EYS: variants seen among roughly 807,000 people sequenced by gnomAD.
EYS encodes the protein EGF-like photoreceptor maintenance factor, also known as protein eyes shut homolog.
A neutral mutation model predicts 282.1 loss-of-function variants in EYS; 250 were observed. The ratio of observed to expected loss-of-function variants is 0.89; its 90% CI spans 0.80 to 0.98. The LOEUF (loss-of-function observed/expected upper bound fraction) is 0.98, where lower values mean the gene tolerates loss of function less well. Among genes scored for constraint, EYS ranks in the 50% least tolerant of loss-of-function variants. The pLI is 0.00. For missense variants in EYS, 4,016 were observed against 3,709.0 expected, an observed-to-expected ratio of 1.08 and a Z score of -2.15; for synonymous variants, 1,355 against 1,282.9, an observed-to-expected ratio of 1.06 and a Z score of -1.20.
chr6:65,003,355 T>G lies in EYS; in HGVS notation c.2138-5652A>C, dbSNP rs567916850. Reference sequence around the variant, plus strand: ...TTATTAGAAAGAGGAAATTCCTGCCTAATAAATTTTGGTCAGACCGGTTGC... The same window carrying G: ...TTATTAGAAAGAGGAAATTCCTGCCGAATAAATTTTGGTCAGACCGGTTGC... On this transcript the variant is annotated intron_variant, in intron 13 of 42. Transcript: ENST00000503581. Among the ~76,000 whole-genome samples the G allele has an allele frequency of 5.8e-4, 86 of 147,318 alleles. 1 individual carries two copies. Among genetic ancestry groups the G allele is most frequent in the African/African-American group, 2.1e-3 (86 of 41,222 alleles).
At chr6:65,474,453 T>C (rs1765328922) in intron 5 of EYS, among the ~76,000 whole-genome samples, 1 of 152,108 alleles carries the variant, frequency 6.6e-6, no homozygotes, top group African/African-American at 2.4e-5. Context: ...GCAAATATAA[T>C]ATACAGAGAA....
intron 9 of EYS, 138 bp from the exon 10 acceptor site, chr6:65,344,315 A>G: frequency 1.4e-6 from 1 of 703,362 alleles, no homozygotes; most frequent in South Asian, 1.7e-5. Context: ...CTGTATGCAT[A>G]TGATATTGAA....
intron 31 of EYS, among the ~76,000 whole-genome samples, chr6:64,127,306 A>G (rs1407021374): frequency 6.6e-6 from 1 of 152,170 alleles, no homozygotes; most frequent in Non-Finnish European, 1.5e-5. Flanking sequence ...AGACTAAGTG[A>G]CTTTTCAAAT....
intron 22 of EYS, among the ~76,000 whole-genome samples, chr6:64,708,041 G>A (rs2149931849): frequency 6.6e-6 from 1 of 152,132 alleles, no homozygotes; most frequent in East Asian, 1.9e-4. Flanking sequence ...TAAACATGGG[G>A]GAGCCCACAC....
chr6:65,529,262 C>A (rs926886411), intron 2 of EYS, among the ~76,000 whole-genome samples: 6 of 152,070 alleles, frequency 3.9e-5, no homozygotes, highest in African/African-American at 1.2e-4. Flanking sequence ...GATGTTCTGG[C>A]TTTTGGATGC....
intron 29 of EYS, among the ~76,000 whole-genome samples, chr6:64,380,115 T>TG (rs1772695356): frequency 6.6e-6 from 1 of 151,264 alleles, no homozygotes; most frequent in African/African-American, 2.4e-5. Context: ...CAACTTCAAT[T>TG]TTTTTTTTAT....
chr6:65,316,741 G>A (rs1373882181), intron 11 of EYS, among the ~76,000 whole-genome samples: 1 of 152,046 alleles, frequency 6.6e-6, no homozygotes, highest in Admixed American at 6.5e-5. Flanking sequence ...TTGGCTTTCT[G>A]TTCCTGTATT....
chr6:65,046,016 G>C (rs1410483680), intron 13 of EYS, among the ~76,000 whole-genome samples: 5 of 151,272 alleles, frequency 3.3e-5, no homozygotes, highest in Non-Finnish European at 5.9e-5. Flanking sequence ...TATTCCTTTT[G>C]TCCCTCTTAA....
chr6:65,132,134 T>C (rs888742520), intron 12 of EYS, among the ~76,000 whole-genome samples: 5 of 151,720 alleles, frequency 3.3e-5, no homozygotes, highest in Non-Finnish European at 5.9e-5. Context: ...AATTCTACCA[T>C]ATGTATAAGG....
rs557020239 is a variant in EYS, at chr6:63,777,994, C to T, written c.7898+12G>A. On this transcript the variant is annotated intron_variant, in intron 40 of 42. Coordinates refer to ENST00000503581, the MANE Select transcript of EYS (RefSeq NM_001142800.2). ...AACCTGCTACTTTCATTCCTAATAA[C>T]GTCATACTTACTAAACACTAGTTCC... 1.2e-5 allele frequency: 19 copies of T among 1,550,988 alleles called. No homozygotes were observed. The Admixed American group carries it at 1.4e-4, about 11-fold the overall frequency.
intron 22 of EYS, among the ~76,000 whole-genome samples, chr6:64,654,383 G>T (rs1422015623): frequency 6.6e-6 from 1 of 152,122 alleles, no homozygotes; most frequent in African/African-American, 2.4e-5. Context: ...TGCTACTGTT[G>T]TCTAGAGGGA....
At chr6:64,122,176 C>G (rs1162656553) in intron 31 of EYS, among the ~76,000 whole-genome samples, 1 of 151,934 alleles carries the variant, frequency 6.6e-6, no homozygotes, top group Non-Finnish European at 1.5e-5. Flanking sequence ...GATTTAGGAT[C>G]TAATAGTGAA....
chr6:63,780,437 A>C (rs1770188227), intron 39 of EYS, among the ~76,000 whole-genome samples: 1 of 152,146 alleles, frequency 6.6e-6, no homozygotes, highest in Non-Finnish European at 1.5e-5. Context: ...AATGATCGGC[A>C]TTCTAACTGA....
rs143755954 is a variant in EYS at position 64,882,145 on chromosome 6, C to T, written c.2992+4552G>A. ...GAACATGGACATCAAGAGTCTATACCAGTACACAGTACCCAAATACCAGGG... is the reference window on the plus strand; with the variant it reads ...GAACATGGACATCAAGAGTCTATACTAGTACACAGTACCCAAATACCAGGG... On this transcript the variant is annotated intron_variant, in intron 19 of 42. Transcript: ENST00000503581. 3.3e-5 allele frequency among the ~76,000 whole-genome samples: 5 copies of T among 151,786 alleles called. No individual in the cohort carries two copies. In the East Asian group the frequency reaches 9.7e-4, roughly 29 times the overall value.
intron 19 of EYS, among the ~76,000 whole-genome samples, chr6:64,860,043 T>C (rs1468077501): frequency 6.6e-6 from 1 of 152,248 alleles, no homozygotes; most frequent in African/African-American, 2.4e-5. Flanking sequence ...TCTTTGTTTC[T>C]TACTTTTAAA....
At chr6:65,681,293 A>G (rs1461970590) in intron 1 of EYS, among the ~76,000 whole-genome samples, 1 of 152,038 alleles carries the variant, frequency 6.6e-6, no homozygotes, top group African/African-American at 2.4e-5. Context: ...GTGGGGGCTA[A>G]CAGCTATCAG....
intron 12 of EYS, among the ~76,000 whole-genome samples, chr6:65,190,466 ATTTTCATGAC>A (rs1488367064): frequency 6.6e-6 from 1 of 151,290 alleles, no homozygotes; most frequent in African/African-American, 2.4e-5. Context: ...GGCCTATAAA[ATTTTCATGAC>A]CCCTAAGTGC....
chr6:64,765,168 C>T (rs1182348112), intron 22 of EYS, among the ~76,000 whole-genome samples: 3 of 152,144 alleles, frequency 2.0e-5, no homozygotes, highest in Non-Finnish European at 1.5e-5. Flanking sequence ...TGCCAGATAC[C>T]CTGAATCATC....
chr6:65,024,060 G>T (rs1301168131), intron 13 of EYS, among the ~76,000 whole-genome samples: 3 of 151,972 alleles, frequency 2.0e-5, no homozygotes, highest in Non-Finnish European at 4.4e-5. Flanking sequence ...CAGTCTTCTG[G>T]GTGGTCTGGT....
Sources: gnomAD v4.1 joint callset for allele counts (sites outside exome capture counted in the v4.1 genomes callset) on GRCh38, gnomAD v4.1.1 for gene constraint, MANE v1.5 for transcripts, NCBI Gene and HGNC (gene_info 2026-07-23, HGNC 2026-07-21) for gene names.